The following PCSK1 variants were observed in gnomAD, a reference collection of about 807,000 sequenced individuals.
PCSK1 encodes the protein proprotein convertase subtilisin/kexin type 1, also known as neuroendocrine convertase 1.
In PCSK1, 56 loss-of-function variants were observed where a neutral mutation model predicts 90.6. That is an observed-to-expected ratio of 0.62 (90% CI 0.50 to 0.77). The LOEUF is 0.77. PCSK1 is among the 30% of genes least tolerant of loss of function. The pLI, the probability that PCSK1 is intolerant of heterozygous loss-of-function variation, is 0.00. For synonymous variants in PCSK1, 348 were observed against 342.4 expected, an observed-to-expected ratio of 1.02 and a Z score of -0.18; for missense variants, 801 against 932.6, an observed-to-expected ratio of 0.86 and a Z score of 1.84.
At chr5:96,405,085 T>C (rs535980712) in intron 9 of PCSK1, among the ~76,000 whole-genome samples, 5 of 152,312 alleles carry the variant, frequency 3.3e-5, no homozygotes, top group East Asian at 1.9e-4. Flanking sequence ...AGCTTTGGTA[T>C]AGACAATTGA....
chr5:96,428,374 C>T (rs929265811), intron 2 of PCSK1, among the ~76,000 whole-genome samples: 9 of 152,052 alleles, frequency 5.9e-5, no homozygotes, highest in African/African-American at 1.2e-4. Context: ...AGATATCAGG[C>T]GAATCAGGAT....
At chr5:96,426,491 A>G (rs1761311865) in intron 2 of PCSK1, among the ~76,000 whole-genome samples, 1 of 152,170 alleles carries the variant, frequency 6.6e-6, no homozygotes, top group Non-Finnish European at 1.5e-5. Context: ...TATGAGACAC[A>G]GATCCTGGGT....
intron 7 of PCSK1, among the ~76,000 whole-genome samples, chr5:96,411,638 C>T (rs999443537): frequency 2.6e-5 from 4 of 152,182 alleles, no homozygotes; most frequent in Admixed American, 6.5e-5. Flanking sequence ...ATTTGAAAAG[C>T]ATTTCCGCGC....
chr5:96,413,881 A>T (rs1760853946), intron 6 of PCSK1, among the ~76,000 whole-genome samples: 1 of 141,654 alleles, frequency 7.1e-6, no homozygotes, highest in Non-Finnish European at 1.5e-5. Flanking sequence ...GCACTTTGGG[A>T]GGCCGAGGCG....
chr5:96,430,914 A>G (rs556557185), intron 1 of PCSK1, among the ~76,000 whole-genome samples: 1 of 152,262 alleles, frequency 6.6e-6, no homozygotes, highest in Non-Finnish European at 1.5e-5. Flanking sequence ...ATTAAGATTT[A>G]TGTTTATTTA....
chr5:96,419,455 A>G lies in PCSK1; in HGVS notation c.620+2425T>C, dbSNP rs1463955898. Reference sequence around the variant, plus strand: ...TCTCTCCCTCTCTCTCTCTATATATATATACACTCACTTAATACCTCTAAC... The same window carrying G: ...TCTCTCCCTCTCTCTCTCTATATATGTATACACTCACTTAATACCTCTAAC... On this transcript the variant is annotated intron_variant, in intron 5 of 13. Coordinates refer to ENST00000311106, the MANE Select transcript of PCSK1 (RefSeq NM_000439.5). Among the ~76,000 whole-genome samples, 4 of 145,818 alleles carry G rather than the reference A, an allele frequency of 2.7e-5. No individual in the cohort carries two copies. The East Asian group carries it at 5.8e-4, about 21-fold the overall frequency.
intron 6 of PCSK1, among the ~76,000 whole-genome samples, chr5:96,412,750 A>ATGTTTTTT (rs1760800524): frequency 4.7e-5 from 3 of 63,386 alleles, no homozygotes; most frequent in African/African-American, 2.4e-4. Flanking sequence ...GGCAGCTGTG[A>ATGTTTTTT]TGTTTTTTTT....
In PCSK1 at chr5:96,392,756, C is replaced by A. The variant is rs1759988394; in HGVS notation, c.*245G>T. 3.6e-6 allele frequency: 2 copies of A among 547,992 alleles called. No individual in the cohort carries two copies. Among genetic ancestry groups the A allele is most frequent in the East Asian group, 6.4e-5 (2 of 31,436 alleles). The allele number at this position is 547,992 out of a possible 1,614,324, so 33.9% of individuals were successfully genotyped here. ...TTGTCAACTGTGACTCCAGAAAGAA[C>A]AAAACACTTCACTTGTGCAGACAGG... On this transcript the variant is annotated 3_prime_UTR_variant, in exon 14 of 14. Transcript: ENST00000311106.
intron 8 of PCSK1, 43 bp from the exon 9 acceptor site, chr5:96,408,366 G>A: frequency 7.2e-7 from 1 of 1,395,002 alleles, no homozygotes; most frequent in Non-Finnish European, 1.0e-6. Flanking sequence ...GAGAACACGT[G>A]AGGAGTGTGG....
chr5:96,407,270 T>C (rs1001404534), intron 9 of PCSK1, among the ~76,000 whole-genome samples: 3 of 152,162 alleles, frequency 2.0e-5, no homozygotes, highest in Admixed American at 6.5e-5. Flanking sequence ...CATCTAGCTT[T>C]TGTGAACCAA....
In PCSK1 at chr5:96,392,859, A is replaced by T; in HGVS notation, c.*142T>A. The T allele has an allele frequency of 1.2e-6, 1 of 811,274 alleles. No individual in the cohort carries two copies. The highest frequency in any genetic ancestry group is 2.1e-6 in the Non-Finnish European group (1 of 485,944). 50.3% of individuals were successfully genotyped at this position (811,274 alleles called of 1,614,324 possible). A position where few individuals can be genotyped will look rare whatever the true frequency, so the allele number is the denominator to read the frequency against. On this transcript the variant is annotated 3_prime_UTR_variant, in exon 14 of 14. Coordinates refer to ENST00000311106, the MANE Select transcript of PCSK1 (RefSeq NM_000439.5). ...TTGAGCTCATCCCCTTCACATGTAC[A>T]GTTTAGGGAGAAAAAGAAAAGGTGC...
In PCSK1 at chr5:96,394,925, G is replaced by T; in HGVS notation, c.1823C>A (p.Thr608Lys). The part of the protein sequence containing the change: ...PEHMKQPRVY[T>K]SYNTVQNDRR... The stretch of plus-strand genomic sequence containing the variant: ...GTCATTCTGAACAGTGTTGTAGGAC[G>T]TGTACACACGAGGCTGCTTCATATG... Residue 608 changes from threonine (T) to lysine (K), a missense_variant, in exon 13 of 14, where the codon ACG (threonine) becomes AAG (lysine). Physicochemically the swap from Thr to Lys is moderately conservative, Grantham distance 78. Transcript: ENST00000311106. 1 of 1,614,064 alleles carries T rather than the reference G, an allele frequency of 6.2e-7. No individual in the cohort carries two copies. The highest frequency in any genetic ancestry group is 8.5e-7 in the Non-Finnish European group (1 of 1,179,928).
intron 6 of PCSK1, among the ~76,000 whole-genome samples, chr5:96,413,864 A>G (rs155973): frequency 0.29 from 42,498 of 147,536 alleles, 7,241 homozygotes; most frequent in Admixed American, 0.42. Context: ...TCACGCCTGT[A>G]ATCCCAGCAC....
intron 3 of PCSK1, among the ~76,000 whole-genome samples, chr5:96,424,007 G>A (rs1362412907): frequency 6.6e-6 from 1 of 152,172 alleles, no homozygotes; most frequent in Non-Finnish European, 1.5e-5. Context: ...TGATTTAGGG[G>A]GTAAGTGTCT....
chr5:96,412,309 G>T lies in PCSK1; in HGVS notation c.882+9C>A, dbSNP rs1760781458. On this transcript the variant is annotated intron_variant, in intron 7 of 13. Transcript: ENST00000311106. ...TTCATTTCATGTGGGTCTGTGTAAA[G>T]CATCTTACCTGTTTGACACCATATT... 11 of 1,612,072 alleles carry T rather than the reference G, an allele frequency of 6.8e-6. No individual in the cohort carries two copies. The highest frequency in any genetic ancestry group is 6.8e-6 in the Non-Finnish European group (8 of 1,178,122).
At chr5:96,402,425 TTGGTCAGGCCTCC>T (rs1366732153) in intron 9 of PCSK1, among the ~76,000 whole-genome samples, 1 of 152,152 alleles carries the variant, frequency 6.6e-6, no homozygotes, top group Non-Finnish European at 1.5e-5. Context: ...CCTAGGTCCC[TTGGTCAGGCCTCC>T]TCGTGGAGAG....
Position 96,432,845 on chromosome 5 carries a change from G to GA in PCSK1, c.180+17dup. 1 of 1,610,888 alleles carries GA rather than the reference G, an allele frequency of 6.2e-7. No homozygotes were observed. Among genetic ancestry groups the GA allele is most frequent in the Non-Finnish European group, 8.5e-7 (1 of 1,178,288 alleles). On this transcript the variant is annotated intron_variant, in intron 1 of 13. Transcript: ENST00000311106. ...CCCCTGGGGCCCCAGAAAGTTTCTT[G>GA]AAAGTGGAAACTCTTACCTGACCCA... is the stretch of plus-strand genomic sequence containing the variant.
chr5:96,406,891 A>T (rs528908032), intron 9 of PCSK1, among the ~76,000 whole-genome samples: 48 of 152,346 alleles, frequency 3.2e-4, no homozygotes, highest in Non-Finnish European at 6.6e-4. Context: ...ACCACACATC[A>T]GAAAGCAGGA....
chr5:96,430,455 A>G (rs1052293884), intron 1 of PCSK1, among the ~76,000 whole-genome samples: 2 of 152,224 alleles, frequency 1.3e-5, no homozygotes, highest in African/African-American at 4.8e-5. Flanking sequence ...GAATCTTCCT[A>G]TAAGCTGTGG....
Sources: allele counts gnomAD v4.1 joint callset (sites outside exome capture counted in the v4.1 genomes callset), GRCh38; gene constraint gnomAD v4.1.1; transcripts MANE v1.5; gene names NCBI Gene and HGNC (gene_info 2026-07-23, HGNC 2026-07-21).